Variants in PDZRN3 observed in about 807,000 individuals in gnomAD.
PDZRN3 encodes E3 ubiquitin-protein ligase PDZRN3.
In PDZRN3, 38 loss-of-function variants were observed where a neutral mutation model predicts 85.7. The observed-to-expected ratio is 0.44, with a 90% CI of 0.34 to 0.58. The LOEUF (loss-of-function observed/expected upper bound fraction) is 0.58, where lower values mean the gene tolerates loss of function less well. Ranked by LOEUF, PDZRN3 falls within the 20% of genes least tolerant of loss-of-function variation. The probability of loss-of-function intolerance (pLI) is 0.01; values close to 1 mark genes in which losing one functional copy is unlikely to be tolerated. For synonymous variants in PDZRN3, 759 were observed against 638.0 expected (o/e 1.19, Z -2.86); for missense variants, 1,629 against 1,506.4 (o/e 1.08, Z -1.35).
At chr3:73,452,847 G>GTGTGTGTGTGTGTC (rs1201255410) in intron 3 of PDZRN3, among the ~76,000 whole-genome samples, 1 of 151,018 alleles carries the variant, frequency 6.6e-6, no homozygotes. Context: ...ATCTGTGTGT[G>GTGTGTGTGTGTGTC]TGTGTGTGTG....
intron 3 of PDZRN3, among the ~76,000 whole-genome samples, chr3:73,428,762 G>T (rs1360356206): frequency 6.6e-6 from 1 of 151,810 alleles, no homozygotes; most frequent in Non-Finnish European, 1.5e-5. Flanking sequence ...ATAATCCATT[G>T]TTAATTAACA....
At chr3:73,426,237 T>C (rs1702312976) in intron 3 of PDZRN3, among the ~76,000 whole-genome samples, 1 of 152,084 alleles carries the variant, frequency 6.6e-6, no homozygotes, top group Non-Finnish European at 1.5e-5. Flanking sequence ...ATACAGCAAC[T>C]TCCAGAGACT....
At chr3:73,543,708 C>T (rs1354068741) in intron 3 of PDZRN3, among the ~76,000 whole-genome samples, 1 of 152,182 alleles carries the variant, frequency 6.6e-6, no homozygotes, top group Non-Finnish European at 1.5e-5. Flanking sequence ...ATGAACTGCG[C>T]TGTAGAGAGT....
chr3:73,557,373 A>G (rs1021268813), intron 3 of PDZRN3, among the ~76,000 whole-genome samples: 1 of 152,212 alleles, frequency 6.6e-6, no homozygotes, highest in Non-Finnish European at 1.5e-5. Context: ...AATCTGAAAT[A>G]TCTTCGCTCG....
chr3:73,524,793 T>C lies in PDZRN3; in HGVS notation c.918+77561A>G, dbSNP rs543052684. ...CAGGCATGCAAATTAAAAGTGAACATAATCCTAGTTTAAATTTTAGGAAAA... is the reference window on the plus strand; with the variant it reads ...CAGGCATGCAAATTAAAAGTGAACACAATCCTAGTTTAAATTTTAGGAAAA... On this transcript the variant is annotated intron_variant, in intron 3 of 9. Coordinates refer to ENST00000263666, the MANE Select transcript of PDZRN3 (RefSeq NM_015009.3). Among the ~76,000 whole-genome samples the C allele has an allele frequency of 1.1e-4, 16 of 152,146 alleles. 1 individual carries two copies. In the South Asian group the frequency reaches 3.3e-3, roughly 32 times the overall value.
At chr3:73,470,255 C>T (rs1366192516) in intron 3 of PDZRN3, among the ~76,000 whole-genome samples, 6 of 152,038 alleles carry the variant, frequency 3.9e-5, no homozygotes, top group Non-Finnish European at 8.8e-5. Flanking sequence ...TAATCGTGTC[C>T]CTCAATCAAT....
At chr3:73,420,135 C>T (rs1333565505) in intron 3 of PDZRN3, among the ~76,000 whole-genome samples, 2 of 152,188 alleles carry the variant, frequency 1.3e-5, no homozygotes, top group African/African-American at 2.4e-5. Flanking sequence ...CAGTGAAATG[C>T]TTTTCCTAGA....
At chr3:73,431,913 A>G (rs148369306) in intron 3 of PDZRN3, among the ~76,000 whole-genome samples, 1 of 152,240 alleles carries the variant, frequency 6.6e-6, no homozygotes, top group East Asian at 1.9e-4. Flanking sequence ...AGAATAAAAG[A>G]CAGGTTCACT....
chr3:73,535,667 T>C (rs759512796), intron 3 of PDZRN3, among the ~76,000 whole-genome samples: 1 of 152,234 alleles, frequency 6.6e-6, no homozygotes, highest in Non-Finnish European at 1.5e-5. Flanking sequence ...TGAAAACAAG[T>C]CAAGTTCCAT....
intron 3 of PDZRN3, among the ~76,000 whole-genome samples, chr3:73,494,335 A>G (rs1300388244): frequency 4.6e-5 from 7 of 152,222 alleles, no homozygotes; most frequent in African/African-American, 1.4e-4. Flanking sequence ...TTAGAAAACT[A>G]ATTTTGGTCC....
Position 73,624,149 on chromosome 3 carries a change from C to A in PDZRN3, c.677G>T (p.Arg226Leu). The change falls in exon 1 of 10, where the codon CGC becomes CTC. Residue 226 changes from arginine (R) to leucine (L), a missense_variant. Transcript: ENST00000263666. ...YQKKFTEYSA[R>L]LDSLSRCVAA... ...CACGCAGCGGCTGAGCGAGTCGAGG[C>A]GCGCGCTGTATTCGGTGAATTTCTT... The A allele has an allele frequency of 6.7e-7, 1 of 1,493,578 alleles. No individual in the cohort carries two copies. The highest frequency in any genetic ancestry group is 1.3e-5 in the South Asian group (1 of 79,868). 92.5% of individuals were successfully genotyped at this position (1,493,578 alleles called of 1,614,324 possible).
At chr3:73,434,840 T>C (rs1702501175) in intron 3 of PDZRN3, among the ~76,000 whole-genome samples, 1 of 152,218 alleles carries the variant, frequency 6.6e-6, no homozygotes, top group South Asian at 2.1e-4. Flanking sequence ...TTTTGGTTCT[T>C]GCTGCCTTGC....
chr3:73,444,544 G>A (rs1048235751), intron 3 of PDZRN3, among the ~76,000 whole-genome samples: 1 of 152,188 alleles, frequency 6.6e-6, no homozygotes, highest in African/African-American at 2.4e-5. Flanking sequence ...AGTACTTATT[G>A]AGCATCTGTG....
chr3:73,605,297 G>A (rs1194420951), intron 2 of PDZRN3, among the ~76,000 whole-genome samples: 3 of 151,992 alleles, frequency 2.0e-5, no homozygotes, highest in Admixed American at 1.3e-4. Context: ...GTTAGTTACA[G>A]CTATTTATCA....
At chr3:73,611,017 T>C (rs1702677478) in intron 1 of PDZRN3, among the ~76,000 whole-genome samples, 1 of 152,186 alleles carries the variant, frequency 6.6e-6, no homozygotes, top group Admixed American at 6.5e-5. Context: ...ATTAAGAAAG[T>C]TGTCCCATGC....
At chr3:73,390,957 G>GAA (rs35427155) in intron 6 of PDZRN3, 61 bp downstream of exon 6, 27,721 of 850,774 alleles carry the variant, frequency 0.033, 1 homozygote, top group East Asian at 0.044. Context: ...TGGTGAACAT[G>GAA]AAAAAAAAAA....
At chr3:73,498,297 G>A (rs754737219) in intron 3 of PDZRN3, among the ~76,000 whole-genome samples, 12 of 152,072 alleles carry the variant, frequency 7.9e-5, no homozygotes, top group Non-Finnish European at 1.8e-4. Flanking sequence ...AAAAGCTCCT[G>A]GCCTTCCCAG....
chr3:73,566,107 C>A (rs910018508), intron 3 of PDZRN3, among the ~76,000 whole-genome samples: 1 of 152,100 alleles, frequency 6.6e-6, no homozygotes, highest in Non-Finnish European at 1.5e-5. Context: ...GTGACATGAT[C>A]ATTGTTTGAC....
intron 3 of PDZRN3, among the ~76,000 whole-genome samples, chr3:73,494,226 T>C (rs1703828062): frequency 6.6e-6 from 1 of 152,244 alleles, no homozygotes; most frequent in South Asian, 2.1e-4. Flanking sequence ...ATACTGAGCC[T>C]TTCTTACTAC....
Sources: allele counts gnomAD v4.1 joint callset (sites outside exome capture counted in the v4.1 genomes callset), GRCh38; gene constraint gnomAD v4.1.1; transcripts MANE v1.5; gene names NCBI Gene and HGNC (gene_info 2026-07-23, HGNC 2026-07-21).